Variants in MED26 observed in about 807,000 individuals in gnomAD.
MED26 encodes mediator complex subunit 26, also known as mediator of RNA polymerase II transcription subunit 26.
A neutral mutation model predicts 43.7 loss-of-function variants in MED26; 7 were observed. That is an observed-to-expected ratio of 0.16 (90% confidence interval 0.09 to 0.30). MED26 has a LOEUF of 0.30. Among genes scored for constraint, MED26 ranks in the 10% least tolerant of loss-of-function variants. The probability of loss-of-function intolerance (pLI) is 1.00; values close to 1 mark genes in which losing one functional copy is unlikely to be tolerated. For synonymous variants in MED26, 375 were observed against 371.1 expected, an observed-to-expected ratio of 1.01 and a Z score of -0.12; for missense variants, 784 against 840.6, an observed-to-expected ratio of 0.93 and a Z score of 0.83.
intron 1 of MED26, among the ~76,000 whole-genome samples, chr19:16,617,240 C>T (rs149615732): frequency 1.4e-4 from 22 of 152,294 alleles, no homozygotes; most frequent in African/African-American, 3.9e-4. Flanking sequence ...GAACACCTAA[C>T]GTGCCCCCTC....
At chr19:16,627,624 C>T (rs939022232) in intron 1 of MED26, among the ~76,000 whole-genome samples, 1 of 152,242 alleles carries the variant, frequency 6.6e-6, no homozygotes, top group Non-Finnish European at 1.5e-5. Flanking sequence ...ACTCTAGCCT[C>T]AGCTCCCCCG....
rs765071868 is a variant in MED26, at chr19:16,577,000, T to G, written c.830A>C (p.Asn277Thr). The G allele has an allele frequency of 6.8e-6, 11 of 1,607,740 alleles. No individual in the cohort carries two copies. The South Asian group carries it at 1.1e-4, about 16-fold the overall frequency. ...GPPRCSFSPR[N>T]SRHEGSFARQ... Reference sequence around the variant, plus strand: ...GGCAAAGGAGCCCTCATGCCGTGAGTTCCGAGGACTGAAAGAGCAGCGAGG... The same window carrying G: ...GGCAAAGGAGCCCTCATGCCGTGAGGTCCGAGGACTGAAAGAGCAGCGAGG... Residue 277 changes from asparagine to threonine, a missense_variant, in exon 3 of 3, where the codon AAC becomes ACC. Physicochemically the swap from Asn to Thr is moderately conservative, Grantham distance 65. Around this residue, in one of 3 missense-constraint regions of MED26, gnomAD observed 719 missense variants for 730.9 expected, o/e 0.98. Transcript: ENST00000263390. This position sits in a 1 kb window ranked among gnomAD's most constrained non-coding sequence, Gnocchi z 6.8.
rs1417299096 is a variant in MED26, at chr19:16,576,455, G to T, written c.1375C>A (p.Leu459Met). ...CTGGCCTTGGCCTCCTGCTTGTCCAGCTCTGTCCTGGACTGCTGCTCCATG... is the reference window on the plus strand; with the variant it reads ...CTGGCCTTGGCCTCCTGCTTGTCCATCTCTGTCCTGGACTGCTGCTCCATG... ...VHMEQQSRTE[L>M]DKQEAKASLQ... The change falls in exon 3 of 3, where the codon CTG becomes ATG. Residue 459 changes from leucine (L) to methionine (M), a missense_variant. Leu to Met is a conservative substitution (Grantham distance 15). Around this residue, in one of 3 missense-constraint regions of MED26, gnomAD observed 719 missense variants for 730.9 expected, o/e 0.98. Coordinates refer to ENST00000263390, the MANE Select transcript of MED26 (RefSeq NM_004831.5). This position sits in a 1 kb window ranked among gnomAD's most constrained non-coding sequence, Gnocchi z 6.8. 1.9e-6 allele frequency: 3 copies of T among 1,614,176 alleles called. No individual in the cohort carries two copies. The highest frequency in any genetic ancestry group is 1.1e-5 in the South Asian group (1 of 91,082).
intron 2 of MED26, 66 bp downstream of exon 2, chr19:16,578,269 A>T (rs1178085039): frequency 2.1e-6 from 3 of 1,412,446 alleles, no homozygotes; most frequent in Non-Finnish European, 2.0e-6. Flanking sequence ...CTGCGGAAGG[A>T]CCTGGTTGGT....
rs140482331 is a variant in MED26 at position 16,576,646 on chromosome 19, T to C, written c.1184A>G (p.Lys395Arg). The change falls in exon 3 of 3, where the codon AAG (lysine) becomes AGG (arginine). Residue 395 changes from lysine to arginine, a missense_variant. Physicochemically the swap from Lys to Arg is conservative, Grantham distance 26. Around this residue, in one of 3 missense-constraint regions of MED26, gnomAD observed 719 missense variants for 730.9 expected, o/e 0.98. Transcript: ENST00000263390. The surrounding 1 kb of genome is among the most constrained non-coding windows in gnomAD (Gnocchi z 6.8). ...CGTATAGTCTCGAGGTCGGTACCTCTTCTTCTTTTTACTGTCCGAGCCCCC... is the reference window on the plus strand; with the variant it reads ...CGTATAGTCTCGAGGTCGGTACCTCCTCTTCTTTTTACTGTCCGAGCCCCC... ...SSGGSDSKKK[K>R]RYRPRDYTVN... 5.6e-6 allele frequency: 9 copies of C among 1,613,438 alleles called. No individual in the cohort carries two copies. The highest frequency in any genetic ancestry group is 3.3e-5 in the Admixed American group (2 of 59,982).
At chr19:16,606,592 A>G (rs1443339149) in intron 1 of MED26, among the ~76,000 whole-genome samples, 3 of 152,320 alleles carry the variant, frequency 2.0e-5, no homozygotes, top group Non-Finnish European at 4.4e-5. Context: ...AAAACAAAAG[A>G]CACAATGAGG....
Position 16,628,052 on chromosome 19 carries a change from C to G in MED26, c.-109G>C. The G allele has an allele frequency of 1.6e-6, 1 of 612,502 alleles. No individual in the cohort carries two copies. The highest frequency in any genetic ancestry group is 2.4e-6 in the Non-Finnish European group (1 of 413,084). 37.9% of individuals were successfully genotyped at this position (612,502 alleles called of 1,614,324 possible). ...TCCGGGAGCCGGAGCCGCATGTTCC[C>G]CGCGGCGCCGGGGGGTTGGGGGCGC... On this transcript the variant is annotated 5_prime_UTR_variant, in exon 1 of 3. Coordinates refer to ENST00000263390, the MANE Select transcript of MED26 (RefSeq NM_004831.5).
intron 1 of MED26, among the ~76,000 whole-genome samples, chr19:16,620,656 T>C (rs185179028): frequency 1.1e-3 from 172 of 152,294 alleles, no homozygotes; most frequent in African/African-American, 4.0e-3. Context: ...GATGAATGGT[T>C]CCTGAGGGAG....
chr19:16,575,970 C>T lies in MED26; in HGVS notation c.*57G>A. Reference sequence around the variant, plus strand: ...GGGCCCCGGCCACCTGCCCACCTGCCTGCCCGCCCACCCGGCTTCTGCAAG... The same window carrying T: ...GGGCCCCGGCCACCTGCCCACCTGCTTGCCCGCCCACCCGGCTTCTGCAAG... On this transcript the variant is annotated 3_prime_UTR_variant, in exon 3 of 3. Coordinates refer to ENST00000263390, the MANE Select transcript of MED26 (RefSeq NM_004831.5). 2 of 1,532,314 alleles carry T rather than the reference C, an allele frequency of 1.3e-6. No individual in the cohort carries two copies. The highest frequency in any genetic ancestry group is 1.8e-6 in the Non-Finnish European group (2 of 1,129,706). The allele number at this position is 1,532,314 out of a possible 1,614,324, so 94.9% of individuals were successfully genotyped here. A position where few individuals can be genotyped will look rare whatever the true frequency, so the allele number is the denominator to read the frequency against.
rs1347223758 is a variant in MED26 at position 16,627,876 on chromosome 19, C to T, written c.68G>A (p.Ser23Asn). 1.3e-6 allele frequency: 2 copies of T among 1,495,242 alleles called. No homozygotes were observed. The highest frequency in any genetic ancestry group is 1.8e-6 in the Non-Finnish European group (2 of 1,118,588). 92.6% of individuals were successfully genotyped at this position (1,495,242 alleles called of 1,614,324 possible). A position where few individuals can be genotyped will look rare whatever the true frequency, so the allele number is the denominator to read the frequency against. Reference sequence around the variant, plus strand: ...GCTCGCGCGGCGGGTACTTACGTTGCTCTGGGGGTCGATGGCCTGCAGCAG... The same window carrying T: ...GCTCGCGCGGCGGGTACTTACGTTGTTCTGGGGGTCGATGGCCTGCAGCAG... ...DRLLQAIDPQ[S>N]NIRNMVAVLE... The change falls in exon 1 of 3, where the codon AGC (serine) becomes AAC (asparagine). Residue 23 changes from serine to asparagine, a missense_variant. Around this residue, in one of 3 missense-constraint regions of MED26, gnomAD observed 37 missense variants for 30.3 expected, o/e 1.22. Coordinates refer to ENST00000263390, the MANE Select transcript of MED26 (RefSeq NM_004831.5).
At position 16,609,311 on chromosome 19, in the gene MED26, C is replaced by CAAA. The variant is rs777358965; in HGVS notation, c.72+18558_72+18560dup. 3.4e-3 allele frequency among the ~76,000 whole-genome samples: 85 copies of CAAA among 24,944 alleles called. 5 individuals carry two copies. The highest frequency in any genetic ancestry group is 5.0e-3 in the African/African-American group (44 of 8,774). The allele number at this position is 24,944 out of a possible 152,430, so 16.4% of individuals were successfully genotyped here. On this transcript the variant is annotated intron_variant, in intron 1 of 2. Transcript: ENST00000263390. The stretch of plus-strand genomic sequence containing the variant: ...TGGGTGACAGAGCGAGACTCCGTCT[C>CAAA]AAAAAAAAAAAAAAAAAAAAAAAAA...
intron 1 of MED26, among the ~76,000 whole-genome samples, chr19:16,614,723 A>G (rs951288829): frequency 6.6e-6 from 1 of 152,148 alleles, no homozygotes; most frequent in Non-Finnish European, 1.5e-5. Flanking sequence ...GCCTGGGTGC[A>G]GACCATGCCA....
chr19:16,616,552 A>C (rs1196842755), intron 1 of MED26, among the ~76,000 whole-genome samples: 1 of 152,118 alleles, frequency 6.6e-6, no homozygotes, highest in Non-Finnish European at 1.5e-5. Flanking sequence ...GGATGGCCCT[A>C]AGGTGGTCTA....
chr19:16,576,255 G>C lies in MED26; in HGVS notation c.1575C>G (p.Ala525=). ...LKQEESTRQG[A]RQLHVLVPQS... is the part of the protein sequence containing the mutation. ...GAGGCACCAGCACATGCAGCTGCCTGGCCCCTTGCCGGGTGCTCTCCTCCT... is the reference window on the plus strand; with the variant it reads ...GAGGCACCAGCACATGCAGCTGCCTCGCCCCTTGCCGGGTGCTCTCCTCCT... The change falls in exon 3 of 3, where the codon GCC becomes GCG. Residue 525 remains alanine, a synonymous_variant. Transcript: ENST00000263390. This position sits in a 1 kb window ranked among gnomAD's most constrained non-coding sequence, Gnocchi z 6.8. The C allele has an allele frequency of 6.2e-7, 1 of 1,611,300 alleles. No homozygotes were observed. The highest frequency in any genetic ancestry group is 8.5e-7 in the Non-Finnish European group (1 of 1,180,020).
chr19:16,603,133 GCTC>G (rs1376795887), intron 1 of MED26, among the ~76,000 whole-genome samples: 1 of 152,206 alleles, frequency 6.6e-6, no homozygotes, highest in Non-Finnish European at 1.5e-5. Context: ...TGGGCCCTCT[GCTC>G]CTCCTGCACA....
At chr19:16,592,692 C>G (rs973360742) in intron 1 of MED26, among the ~76,000 whole-genome samples, 1 of 152,216 alleles carries the variant, frequency 6.6e-6, no homozygotes, top group African/African-American at 2.4e-5. Context: ...AACGGCACCC[C>G]CTTCTTCTAA....
rs946564679 is a variant in MED26, at chr19:16,586,638, C to T, written c.73-8229G>A. Among the ~76,000 whole-genome samples, 1 of 152,230 alleles carries T rather than the reference C, an allele frequency of 6.6e-6. No homozygotes were observed. Among genetic ancestry groups the T allele is most frequent in the Middle Eastern group, 3.2e-3 (1 of 316 alleles). ...GCCACCACAGCAGGGCTTCAGATGG[C>T]ACTGGAGCCCACTCCCCACCGGGCT... is the stretch of plus-strand genomic sequence containing the variant. On this transcript the variant is annotated intron_variant, in intron 1 of 2. Coordinates refer to ENST00000263390, the MANE Select transcript of MED26 (RefSeq NM_004831.5). The surrounding 1 kb of genome is among the most constrained non-coding windows in gnomAD (Gnocchi z 5.1).
At chr19:16,622,803 G>A (rs1661400229) in intron 1 of MED26, among the ~76,000 whole-genome samples, 1 of 152,168 alleles carries the variant, frequency 6.6e-6, no homozygotes, top group South Asian at 2.1e-4. Context: ...AGATGATAGT[G>A]GGGAAGTGGC....
rs145390572 is a variant in MED26 at position 16,626,326 on chromosome 19, T to C, written c.72+1546A>G. ...AGTCACCAAGGCTATTTTTTTCATG[T>C]CACTAGTTTTATCCTCTAATATTTC... On this transcript the variant is annotated intron_variant, in intron 1 of 2. Coordinates refer to ENST00000263390, the MANE Select transcript of MED26 (RefSeq NM_004831.5). 4.0e-3 allele frequency among the ~76,000 whole-genome samples: 614 copies of C among 152,336 alleles called. 25 individuals are homozygous for C. Among genetic ancestry groups the C allele is most frequent in the Admixed American group, 0.037 (569 of 15,302 alleles).
Sources: allele counts gnomAD v4.1 joint callset (sites outside exome capture counted in the v4.1 genomes callset), GRCh38; gene constraint gnomAD v4.1.1; regional missense constraint gnomAD v4.1.1; non-coding constraint Gnocchi (gnomAD v3.1); transcripts MANE v1.5; gene names NCBI Gene and HGNC (gene_info 2026-07-23, HGNC 2026-07-21).